Variants in CNBD1 observed in about 807,000 individuals in gnomAD.
The protein encoded by CNBD1 is cyclic nucleotide-binding domain-containing protein 1.
In CNBD1, 71 loss-of-function variants were observed where a neutral mutation model predicts 54.4. The ratio of observed to expected loss-of-function variants is 1.30; its 90% confidence interval spans 1.08 to 1.59. The LOEUF (loss-of-function observed/expected upper bound fraction) is 1.59, where lower values mean the gene tolerates loss of function less well. Among genes scored for constraint, CNBD1 ranks in the 40% most tolerant of loss-of-function variants. CNBD1 has a pLI of 0.00. For synonymous variants in CNBD1, 182 were observed against 170.7 expected, an observed-to-expected ratio of 1.07 and a Z score of -0.51; for missense variants, 659 against 518.0, an observed-to-expected ratio of 1.27 and a Z score of -2.64.
intron 6 of CNBD1, among the ~76,000 whole-genome samples, chr8:87,262,037 C>G (rs1027941124): frequency 6.6e-5 from 10 of 151,790 alleles, no homozygotes; most frequent in Non-Finnish European, 1.5e-4. Flanking sequence ...GCCTGTAGTC[C>G]CAGCTACTTT....
intron 8 of CNBD1, among the ~76,000 whole-genome samples, chr8:87,349,053 T>C (rs912070811): frequency 6.6e-6 from 1 of 152,170 alleles, no homozygotes; most frequent in Non-Finnish European, 1.5e-5. Flanking sequence ...TCCACTACAT[T>C]TTGTAAACAT....
chr8:87,346,647 G>A (rs1035119911), intron 8 of CNBD1, among the ~76,000 whole-genome samples: 1 of 151,992 alleles, frequency 6.6e-6, no homozygotes, highest in African/African-American at 2.4e-5. Context: ...ATGTTTTTAA[G>A]AGTATAGTGA....
At chr8:87,255,989 AT>A (rs1410273579) in intron 6 of CNBD1, among the ~76,000 whole-genome samples, 3 of 10,886 alleles carry the variant, frequency 2.8e-4, no homozygotes, top group Admixed American at 1.4e-3. Context: ...ATATATATAT[AT>A]ATATATATAT....
chr8:87,347,816 A>C (rs998323268), intron 8 of CNBD1, among the ~76,000 whole-genome samples: 4 of 152,186 alleles, frequency 2.6e-5, no homozygotes, highest in Non-Finnish European at 5.9e-5. Flanking sequence ...AGCAATAGAT[A>C]GTAAGAGGGG....
At chr8:86,944,275 G>T (rs897301748) in intron 4 of CNBD1, among the ~76,000 whole-genome samples, 1 of 152,090 alleles carries the variant, frequency 6.6e-6, no homozygotes, top group Admixed American at 6.5e-5. Flanking sequence ...ATACACTTTT[G>T]AACTCCTCTA....
At chr8:86,966,118 A>T (rs1340982706) in intron 4 of CNBD1, among the ~76,000 whole-genome samples, 1 of 152,156 alleles carries the variant, frequency 6.6e-6, no homozygotes, top group African/African-American at 2.4e-5. Flanking sequence ...AGCCATAATG[A>T]GTCCCCACTC....
chr8:87,136,551 T>C lies in CNBD1; in HGVS notation c.432-69442T>C, dbSNP rs56163250. Among the ~76,000 whole-genome samples, 221 of 106,624 alleles carry C rather than the reference T, an allele frequency of 2.1e-3. 3 individuals carry two copies. The highest frequency in any genetic ancestry group is 7.7e-3 in the African/African-American group (213 of 27,648). The allele number at this position is 106,624 out of a possible 152,430, so 69.9% of individuals were successfully genotyped here. On this transcript the variant is annotated intron_variant, in intron 4 of 10. Coordinates refer to ENST00000518476, the MANE Select transcript of CNBD1 (RefSeq NM_173538.3). ...TAAATTATATATTATATTTATATTA[T>C]ATATAAATTATATATTATATTTATA...
intron 8 of CNBD1, among the ~76,000 whole-genome samples, chr8:87,306,801 TGGTGCAGTGTATACTGCCTG>T (rs1283261183): frequency 2.6e-5 from 4 of 152,102 alleles, no homozygotes; most frequent in Non-Finnish European, 5.9e-5. Flanking sequence ...ACTATAAATA[TGGTGCAGTGTATACTGCCTG>T]GGTCATGGGT....
At chr8:87,203,247 A>G (rs1240295898) in intron 4 of CNBD1, among the ~76,000 whole-genome samples, 3 of 152,222 alleles carry the variant, frequency 2.0e-5, no homozygotes, top group Admixed American at 2.0e-4. Context: ...ACATAGGCAC[A>G]AACACACATG....
intron 4 of CNBD1, among the ~76,000 whole-genome samples, chr8:87,115,700 A>T (rs939951841): frequency 1.3e-5 from 2 of 152,168 alleles, no homozygotes; most frequent in African/African-American, 2.4e-5. Context: ...AGCCTAAAAA[A>T]GATGGTATGA....
At chr8:87,370,085 C>A (rs1387187363) in intron 10 of CNBD1, among the ~76,000 whole-genome samples, 2 of 151,868 alleles carry the variant, frequency 1.3e-5, no homozygotes, top group African/African-American at 4.8e-5. Context: ...GCATAGTATT[C>A]CATGGTGTAT....
At chr8:87,391,088 T>C (rs1291874979) in intron 2 of CNBD1, among the ~76,000 whole-genome samples, 1 of 151,338 alleles carries the variant, frequency 6.6e-6, no homozygotes, top group Non-Finnish European at 1.5e-5. Context: ...CCGGGGCCTG[T>C]TGTGGGGTGG....
rs960032543 is a variant in CNBD1 at position 87,218,465 on chromosome 8, C to A, written c.577+12327C>A. On this transcript the variant is annotated intron_variant, in intron 5 of 10. Coordinates refer to ENST00000518476, the MANE Select transcript of CNBD1 (RefSeq NM_173538.3). ...ACATATCACGGTGCCATTCTTTTGA[C>A]CTTCCCATGTAAAAGTGATTTTTAA... is the stretch of plus-strand genomic sequence containing the variant. 8.5e-5 allele frequency among the ~76,000 whole-genome samples: 13 copies of A among 152,134 alleles called. 1 individual carries two copies. The highest frequency in any genetic ancestry group is 1.9e-4 in the East Asian group (1 of 5,174).
In CNBD1 at chr8:87,227,207, G is replaced by A. The variant is rs1177178086; in HGVS notation, c.578-9712G>A. On this transcript the variant is annotated intron_variant, in intron 5 of 10. Transcript: ENST00000518476. The stretch of plus-strand genomic sequence containing the variant: ...GACTCTTTATCCAATTTGCCAGTCT[G>A]TGTCTTTTAATTGGAGCATTTAGTC... Among the ~76,000 whole-genome samples the A allele has an allele frequency of 2.8e-3, 420 of 151,866 alleles. 1 individual carries two copies. The highest frequency in any genetic ancestry group is 9.1e-3 in the African/African-American group (375 of 41,388).
At chr8:87,064,135 C>T (rs938370178) in intron 4 of CNBD1, among the ~76,000 whole-genome samples, 1 of 152,056 alleles carries the variant, frequency 6.6e-6, no homozygotes, top group African/African-American at 2.4e-5. Flanking sequence ...TAAAATGTTA[C>T]TCTTGGCAAT....
At chr8:87,377,273 G>C (rs1810967931) in intron 10 of CNBD1, among the ~76,000 whole-genome samples, 1 of 151,086 alleles carries the variant, frequency 6.6e-6, no homozygotes, top group Middle Eastern at 3.4e-3. Flanking sequence ...TCTAGCATTA[G>C]ATATATCTCC....
intron 3 of CNBD1, among the ~76,000 whole-genome samples, chr8:86,922,395 C>G (rs1378443744): frequency 6.6e-6 from 1 of 151,926 alleles, no homozygotes; most frequent in African/African-American, 2.4e-5. Flanking sequence ...GTCATAGGAG[C>G]AATATTTGGA....
At chr8:87,202,189 A>G (rs116407262) in intron 4 of CNBD1, among the ~76,000 whole-genome samples, 205 of 117,556 alleles carry the variant, frequency 1.7e-3, no homozygotes, top group African/African-American at 5.3e-3. Context: ...TTTTCATCAG[A>G]TAACATCAGT....
chr8:87,074,419 C>T (rs1810824980), intron 4 of CNBD1, among the ~76,000 whole-genome samples: 1 of 151,996 alleles, frequency 6.6e-6, no homozygotes, highest in Non-Finnish European at 1.5e-5. Flanking sequence ...TTCCCCATTC[C>T]TAGGGATATG....
Sources: allele counts gnomAD v4.1 joint callset (sites outside exome capture counted in the v4.1 genomes callset), GRCh38; gene constraint gnomAD v4.1.1; transcripts MANE v1.5; gene names NCBI Gene and HGNC (gene_info 2026-07-23, HGNC 2026-07-21).